Variants in MBNL2 observed in about 807,000 individuals in gnomAD.
MBNL2 encodes muscleblind like splicing regulator 2.
MBNL2 carries 17 observed loss-of-function variants against 41.9 expected under a neutral mutation model. The ratio of observed to expected loss-of-function variants is 0.41; its 90% CI spans 0.28 to 0.61. The LOEUF is 0.61. MBNL2 is among the 20% of genes least tolerant of loss of function. The pLI is 0.35. For synonymous variants in MBNL2, 195 were observed against 182.9 expected (o/e 1.07, Z -0.53); for missense variants, 336 against 505.6 (o/e 0.66, Z 3.22).
intron 1 of MBNL2, among the ~76,000 whole-genome samples, chr13:97,233,012 G>A (rs1485754972): frequency 2.0e-5 from 3 of 150,486 alleles, no homozygotes; most frequent in Non-Finnish European, 4.4e-5. Context: ...TGAAATGTTT[G>A]TGCTGTTGTG....
the MBNL2 span, among the ~76,000 whole-genome samples, chr13:97,147,555 C>T: frequency 6.6e-6 from 1 of 152,070 alleles, no homozygotes; most frequent in East Asian, 1.9e-4. Context: ...TAGTACATTT[C>T]ACATCCATTT....
intron 1 of MBNL2, among the ~76,000 whole-genome samples, chr13:97,263,601 C>G (rs187910386): frequency 1.3e-5 from 2 of 152,074 alleles, no homozygotes; most frequent in African/African-American, 2.4e-5. Context: ...TCCCTTGGAG[C>G]GAGGAACCAG....
chr13:97,246,260 T>C (rs1269817516), intron 1 of MBNL2, among the ~76,000 whole-genome samples: 2 of 148,036 alleles, frequency 1.4e-5, no homozygotes, highest in Non-Finnish European at 2.9e-5. Context: ...TTAATAACTG[T>C]TGGCTACTGT....
intron 5 of MBNL2, among the ~76,000 whole-genome samples, chr13:97,354,068 C>T (rs1206152979): frequency 6.6e-6 from 1 of 151,606 alleles, no homozygotes; most frequent in Non-Finnish European, 1.5e-5. Context: ...CCTAGCTGCC[C>T]ATAGGACCTC....
the MBNL2 span, among the ~76,000 whole-genome samples, chr13:97,144,820 C>G: frequency 1.3e-5 from 2 of 152,082 alleles, no homozygotes; most frequent in African/African-American, 4.8e-5. Context: ...CAAATAGGAA[C>G]AAATAAGGAG....
chr13:97,323,893 T>C (rs1973419), intron 2 of MBNL2, among the ~76,000 whole-genome samples: 94,772 of 152,068 alleles, frequency 0.62, 32,008 homozygotes, highest in African/African-American at 0.91. Flanking sequence ...GGGTACCCCT[T>C]CTCTCAAGCA....
intron 1 of MBNL2, among the ~76,000 whole-genome samples, chr13:97,257,371 G>A (rs1460694362): frequency 6.6e-6 from 1 of 152,084 alleles, no homozygotes; most frequent in African/African-American, 2.4e-5. Flanking sequence ...TCACAGGTTA[G>A]GCCAGGTTAT....
chr13:97,146,954 C>A, the MBNL2 span, among the ~76,000 whole-genome samples: 1 of 152,170 alleles, frequency 6.6e-6, no homozygotes, highest in Non-Finnish European at 1.5e-5. Context: ...ATGCTATGGA[C>A]CACAGCAGAC....
chr13:97,383,903 A>C (rs868370188), intron 8 of MBNL2, among the ~76,000 whole-genome samples: 34 of 145,554 alleles, frequency 2.3e-4, no homozygotes, highest in African/African-American at 6.8e-4. Context: ...TATATAATTA[A>C]TTTTTTTTTT....
intron 1 of MBNL2, among the ~76,000 whole-genome samples, chr13:97,265,673 A>G (rs903370748): frequency 2.0e-5 from 3 of 152,144 alleles, no homozygotes; most frequent in East Asian, 1.9e-4. Flanking sequence ...GTGTGTGTAC[A>G]TGCATGTGGA....
intron 2 of MBNL2, among the ~76,000 whole-genome samples, chr13:97,318,537 C>G (rs1437131820): frequency 6.6e-6 from 1 of 152,178 alleles, no homozygotes; most frequent in Non-Finnish European, 1.5e-5. Context: ...TGGTATTTGA[C>G]TGCATTCAAA....
At chr13:97,264,163 G>A (rs2049251887) in intron 1 of MBNL2, among the ~76,000 whole-genome samples, 1 of 151,786 alleles carries the variant, frequency 6.6e-6, no homozygotes, top group African/African-American at 2.4e-5. Flanking sequence ...GAGTAGCTGG[G>A]ACTACAGGTT....
chr13:97,367,406 CAGA>C (rs2063939231), intron 8 of MBNL2, among the ~76,000 whole-genome samples: 1 of 152,186 alleles, frequency 6.6e-6, no homozygotes, highest in Non-Finnish European at 1.5e-5. Context: ...CCTCCCTTCA[CAGA>C]AGAACAATTT....
At chr13:97,313,170 G>A (rs1207336318) in intron 2 of MBNL2, among the ~76,000 whole-genome samples, 1 of 152,172 alleles carries the variant, frequency 6.6e-6, no homozygotes, top group Admixed American at 6.5e-5. Flanking sequence ...GCTCCTAGTG[G>A]TGCTCCCTAA....
intron 2 of MBNL2, among the ~76,000 whole-genome samples, chr13:97,312,283 A>G (rs762117574): frequency 2.6e-4 from 39 of 152,236 alleles, no homozygotes; most frequent in Admixed American, 2.1e-3. Context: ...CATAAAAAGT[A>G]TTTGATAAAA....
At chr13:97,238,281 G>A (rs1447267012) in intron 1 of MBNL2, among the ~76,000 whole-genome samples, 1 of 152,154 alleles carries the variant, frequency 6.6e-6, no homozygotes, top group Non-Finnish European at 1.5e-5. Flanking sequence ...CACAGGCTTG[G>A]GTAGATGACA....
At chr13:97,365,821 G>A (rs957176178) in intron 8 of MBNL2, among the ~76,000 whole-genome samples, 10 of 152,088 alleles carry the variant, frequency 6.6e-5, no homozygotes, top group African/African-American at 2.4e-4. Flanking sequence ...TTAGAGTCAA[G>A]AAAAAGAAAC....
intron 5 of MBNL2, among the ~76,000 whole-genome samples, chr13:97,352,813 C>T (rs2062622524): frequency 6.6e-6 from 1 of 152,198 alleles, no homozygotes; most frequent in South Asian, 2.1e-4. Flanking sequence ...TATCAAAGTA[C>T]TAATAGTGAC....
the MBNL2 span, among the ~76,000 whole-genome samples, chr13:97,190,334 T>C: frequency 1.3e-5 from 2 of 152,252 alleles, no homozygotes; most frequent in African/African-American, 2.4e-5. Context: ...CCCTTCCCGT[T>C]GGATGGCACA....
Sources: gnomAD v4.1 joint callset for allele counts (sites outside exome capture counted in the v4.1 genomes callset) on GRCh38, gnomAD v4.1.1 for gene constraint, MANE v1.5 for transcripts, NCBI Gene and HGNC (gene_info 2026-07-23, HGNC 2026-07-21) for gene names.